Variants in WWC2 observed in about 807,000 individuals in gnomAD.
WWC2 encodes the protein WW and C2 domain containing 2.
In WWC2, 101 loss-of-function variants were observed where a neutral mutation model predicts 138.5. The ratio of observed to expected loss-of-function variants is 0.73; its 90% CI spans 0.62 to 0.86. The LOEUF is 0.86. WWC2 is among the 40% of genes least tolerant of loss of function. WWC2 has a pLI of 0.00. For synonymous variants in WWC2, 558 were observed against 538.4 expected, an observed-to-expected ratio of 1.04 and a Z score of -0.50; for missense variants, 1,420 against 1,419.4, an observed-to-expected ratio of 1.00 and a Z score of -0.01.
chr4:183,319,162 C>T lies in WWC2; in HGVS notation c.*3433C>T, dbSNP rs1739546533. On this transcript the variant is annotated 3_prime_UTR_variant, in exon 23 of 23. Transcript: ENST00000403733. ...ACGTCATGCATTTTAAATAAATATGCAACAAGACCTCAGGCTTATTATACT... is the reference window on the plus strand; with the variant it reads ...ACGTCATGCATTTTAAATAAATATGTAACAAGACCTCAGGCTTATTATACT... 6.1e-6 allele frequency: 1 copy of T among 163,678 alleles called. No individual in the cohort carries two copies. The highest frequency in any genetic ancestry group is 1.3e-5 in the Non-Finnish European group (1 of 74,610). The allele number at this position is 163,678 out of a possible 1,614,324, so 10.1% of individuals were successfully genotyped here. A position where few individuals can be genotyped will look rare whatever the true frequency, so the allele number is the denominator to read the frequency against.
At chr4:183,269,257 T>C (rs1737620168) in intron 15 of WWC2, 94 bp downstream of exon 15, 2 of 1,260,648 alleles carry the variant, frequency 1.6e-6, no homozygotes, top group Non-Finnish European at 1.1e-6. Flanking sequence ...GCCCTAGAAA[T>C]CACTACAGAC....
intron 1 of WWC2, among the ~76,000 whole-genome samples, chr4:183,177,895 T>A (rs1421247297): frequency 2.0e-5 from 3 of 152,178 alleles, no homozygotes; most frequent in African/African-American, 7.2e-5. Context: ...CTTCACATTC[T>A]GGAAGGCCTG....
chr4:183,195,158 C>G (rs1436475350), intron 2 of WWC2, among the ~76,000 whole-genome samples: 1 of 152,196 alleles, frequency 6.6e-6, no homozygotes, highest in East Asian at 1.9e-4. Context: ...ATTCAGTTCA[C>G]TTTAAGCACG....
intron 21 of WWC2, among the ~76,000 whole-genome samples, chr4:183,290,935 A>T (rs957980812): frequency 1.3e-5 from 2 of 152,238 alleles, no homozygotes; most frequent in African/African-American, 4.8e-5. Flanking sequence ...CTCAGAAACT[A>T]AATGAATGAA....
rs181731427 is a variant in WWC2 at position 183,264,907 on chromosome 4, A to C, written c.1910-71A>C. 4.1e-6 allele frequency: 6 copies of C among 1,453,292 alleles called. No individual in the cohort carries two copies. The African/African-American group carries it at 4.2e-5, about 10-fold the overall frequency. The allele number at this position is 1,453,292 out of a possible 1,614,324, so 90.0% of individuals were successfully genotyped here. On this transcript the variant is annotated intron_variant, in intron 11 of 22. Transcript: ENST00000403733. ...ATTTTGGATTGCTCATGACCAAACT[A>C]TGTATGTATTTAATACTTAACTTTT...
intron 1 of WWC2, among the ~76,000 whole-genome samples, chr4:183,108,649 C>T (rs1326877278): frequency 6.6e-6 from 1 of 151,646 alleles, no homozygotes; most frequent in Non-Finnish European, 1.5e-5. Flanking sequence ...CTCACTCTTT[C>T]ACCCAGGCTG....
chr4:183,295,903 G>A (rs1483937460), intron 21 of WWC2, among the ~76,000 whole-genome samples: 1 of 152,220 alleles, frequency 6.6e-6, no homozygotes, highest in East Asian at 1.9e-4. Context: ...CAGACATAGT[G>A]TAAGGTTGAA....
At position 183,286,026 on chromosome 4, in the gene WWC2, C is replaced by T; in HGVS notation, c.3108C>T (p.Asn1036=). The T allele has an allele frequency of 6.3e-7, 1 of 1,590,886 alleles. No homozygotes were observed. The highest frequency in any genetic ancestry group is 8.6e-7 in the Non-Finnish European group (1 of 1,167,432). The change falls in exon 20 of 23, where the codon AAC becomes AAT. Residue 1036 remains asparagine, a synonymous_variant. Transcript: ENST00000403733. ...TLAKKSLFVR[N]STERRSLRVK... ...CTAAAAAATCACTGTTTGTGAGAAA[C>T]TCCACCGAACGCCGCAGTTTGAGGG... is the stretch of plus-strand genomic sequence containing the variant.
intron 1 of WWC2, among the ~76,000 whole-genome samples, chr4:183,111,433 A>G (rs937632160): frequency 1.3e-5 from 2 of 152,080 alleles, no homozygotes; most frequent in Non-Finnish European, 2.9e-5. Context: ...ACTTGAATCT[A>G]CTCTGCAGTT....
chr4:183,184,639 C>T (rs1485503325), intron 1 of WWC2, among the ~76,000 whole-genome samples: 4 of 152,116 alleles, frequency 2.6e-5, no homozygotes, highest in Non-Finnish European at 4.4e-5. Context: ...TGTCAATACT[C>T]GTGTCTTTTG....
chr4:183,283,195 T>C (rs1738138858), intron 18 of WWC2, among the ~76,000 whole-genome samples: 1 of 152,278 alleles, frequency 6.6e-6, no homozygotes, highest in Non-Finnish European at 1.5e-5. Flanking sequence ...AAGTATTTTC[T>C]GAATTCCTAG....
intron 1 of WWC2, among the ~76,000 whole-genome samples, chr4:183,111,898 A>G (rs572217866): frequency 6.6e-6 from 1 of 151,760 alleles, no homozygotes; most frequent in East Asian, 1.9e-4. Flanking sequence ...GGGTTTCGCC[A>G]TGTTGCCCAG....
Position 183,233,760 on chromosome 4 carries a change from G to A in WWC2, c.523-6423G>A, listed in dbSNP as rs528729438. The A allele has an allele frequency of 2.0e-5, 3 of 152,192 alleles. No individual in the cohort carries two copies. In the South Asian group the frequency reaches 6.2e-4, roughly 32 times the overall value. 9.4% of individuals were successfully genotyped at this position (152,192 alleles called of 1,614,324 possible). On this transcript the variant is annotated intron_variant, in intron 4 of 22. Coordinates refer to ENST00000403733, the MANE Select transcript of WWC2 (RefSeq NM_024949.6). Reference sequence around the variant, plus strand: ...AACAATGTTTTATTCTGAATTCTTTGACTATCTATCTGGAGTTGACTTCTT... The same window carrying A: ...AACAATGTTTTATTCTGAATTCTTTAACTATCTATCTGGAGTTGACTTCTT...
chr4:183,111,415 A>T (rs72691673), intron 1 of WWC2, among the ~76,000 whole-genome samples: 4,325 of 152,316 alleles, frequency 0.028, 90 homozygotes, highest in South Asian at 0.044. Flanking sequence ...AGTTTCATTT[A>T]GTGTGAAACT....
chr4:183,253,943 G>T lies in WWC2; in HGVS notation c.1140G>T (p.Arg380=), dbSNP rs745872668. ...AACGCCTAGAAGCTGAAAGGCAGCG[G>T]CTGGAAGAAGAGTTGCTGTCTGTGA... ...ELERLEAERQ[R]LEEELLSVRG... is the part of the protein sequence containing the mutation. The change falls in exon 9 of 23, where the codon CGG becomes CGT. Residue 380 remains arginine (R), a synonymous_variant. Transcript: ENST00000403733. 6.2e-7 allele frequency: 1 copy of T among 1,613,880 alleles called. No homozygotes were observed. The highest frequency in any genetic ancestry group is 8.5e-7 in the Non-Finnish European group (1 of 1,179,856).
intron 1 of WWC2, among the ~76,000 whole-genome samples, chr4:183,159,585 A>C (rs987383452): frequency 3.9e-5 from 6 of 152,008 alleles, no homozygotes; most frequent in Admixed American, 2.0e-4. Flanking sequence ...TTGTATTTTC[A>C]GTAGAGACCA....
chr4:183,243,470 C>G (rs938728095), intron 5 of WWC2, among the ~76,000 whole-genome samples: 1 of 152,164 alleles, frequency 6.6e-6, no homozygotes, highest in Non-Finnish European at 1.5e-5. Flanking sequence ...TATAATACTT[C>G]AGGGAGTCAG....
At chr4:183,309,567 A>G (rs893563550) in intron 21 of WWC2, among the ~76,000 whole-genome samples, 11 of 152,250 alleles carry the variant, frequency 7.2e-5, no homozygotes, top group African/African-American at 2.7e-4. Context: ...TGCAAAACAC[A>G]GACAACACCA....
intron 2 of WWC2, 144 bp from the exon 3 acceptor site, chr4:183,207,808 TA>T: frequency 1.5e-6 from 1 of 685,762 alleles, no homozygotes; most frequent in Non-Finnish European, 2.3e-6. Context: ...AAAATAAAAC[TA>T]AAATTTCTGG....
Sources: gnomAD v4.1 joint callset for allele counts (sites outside exome capture counted in the v4.1 genomes callset) on GRCh38, gnomAD v4.1.1 for gene constraint, MANE v1.5 for transcripts, NCBI Gene and HGNC (gene_info 2026-07-23, HGNC 2026-07-21) for gene names.